PTPRD: variants seen among roughly 807,000 people sequenced by gnomAD.
The protein encoded by PTPRD is receptor-type tyrosine-protein phosphatase delta.
PTPRD carries 34 observed loss-of-function variants against 214.5 expected under a neutral mutation model. The ratio of observed to expected loss-of-function variants is 0.16; its 90% CI spans 0.12 to 0.21. The LOEUF (loss-of-function observed/expected upper bound fraction) is 0.21, where lower values mean the gene tolerates loss of function less well. PTPRD is among the 10% of genes least tolerant of loss of function. The probability of loss-of-function intolerance (pLI) is 1.00; values close to 1 mark genes in which losing one functional copy is unlikely to be tolerated. For synonymous variants in PTPRD, 1,128 were observed against 845.7 expected, an observed-to-expected ratio of 1.33 and a Z score of -5.79; for missense variants, 2,545 against 2,398.7, an observed-to-expected ratio of 1.06 and a Z score of -1.27.
chr9:10,495,293 C>G (rs1470452691), intron 2 of PTPRD, among the ~76,000 whole-genome samples: 1 of 151,694 alleles, frequency 6.6e-6, no homozygotes, highest in East Asian at 1.9e-4. Context: ...AAAGTCAAGT[C>G]AGAAATCACT....
intron 3 of PTPRD, among the ~76,000 whole-genome samples, chr9:10,169,908 T>A (rs1355872406): frequency 1.3e-5 from 2 of 152,318 alleles, no homozygotes; most frequent in Admixed American, 6.5e-5. Context: ...AGATTTAGTT[T>A]ATAAAGTCTT....
intron 2 of PTPRD, among the ~76,000 whole-genome samples, chr9:10,489,853 T>C (rs1198895252): frequency 1.1e-4 from 17 of 152,164 alleles, no homozygotes; most frequent in Admixed American, 1.1e-3. Context: ...ACTCCATGCA[T>C]AAAGCTGCAG....
intron 7 of PTPRD, among the ~76,000 whole-genome samples, chr9:9,625,377 G>A (rs890376831): frequency 3.3e-5 from 5 of 152,212 alleles, no homozygotes; most frequent in African/African-American, 7.2e-5. Flanking sequence ...ATAACCTGGC[G>A]CATGCTGTTA....
At chr9:10,550,833 T>C (rs1472058542) in intron 2 of PTPRD, among the ~76,000 whole-genome samples, 1 of 152,222 alleles carries the variant, frequency 6.6e-6, no homozygotes, top group Non-Finnish European at 1.5e-5. Flanking sequence ...AGATATAAGC[T>C]TTTTCTCCAC....
At chr9:10,074,680 G>C (rs2098101565) in intron 3 of PTPRD, among the ~76,000 whole-genome samples, 1 of 152,132 alleles carries the variant, frequency 6.6e-6, no homozygotes, top group Non-Finnish European at 1.5e-5. Flanking sequence ...CTCTGTACCA[G>C]CTCTGATTTA....
Position 10,370,530 on chromosome 9 carries a change from T to C in PTPRD, c.-599-29513A>G, listed in dbSNP as rs941250462. On this transcript the variant is annotated intron_variant, in intron 2 of 45. Coordinates refer to ENST00000381196, the MANE Select transcript of PTPRD (RefSeq NM_002839.4). The stretch of plus-strand genomic sequence containing the variant: ...CATGTTTGGCCTTGGGAAACATTTA[T>C]GTAGAATTTTGAAATACATTGAAAT... 2.6e-5 allele frequency among the ~76,000 whole-genome samples: 4 copies of C among 152,068 alleles called. No homozygotes were observed. In the South Asian group the frequency reaches 8.3e-4, roughly 31 times the overall value.
intron 9 of PTPRD, among the ~76,000 whole-genome samples, chr9:9,289,945 C>G (rs1015425175): frequency 6.6e-6 from 1 of 151,726 alleles, no homozygotes; most frequent in Non-Finnish European, 1.5e-5. Context: ...TTTCAAGAAC[C>G]TGACTTCACT....
At chr9:8,423,237 AATAAGTT>A (rs2094470100) in intron 35 of PTPRD, among the ~76,000 whole-genome samples, 1 of 152,226 alleles carries the variant, frequency 6.6e-6, no homozygotes, top group Non-Finnish European at 1.5e-5. Flanking sequence ...AATCCGGCTC[AATAAGTT>A]ATATGCCACC....
At chr9:8,444,896 A>T (rs1315668098) in intron 34 of PTPRD, among the ~76,000 whole-genome samples, 1 of 152,164 alleles carries the variant, frequency 6.6e-6, no homozygotes, top group Admixed American at 6.5e-5. Flanking sequence ...CTATTCACCC[A>T]TCCTAGTGCG....
In PTPRD at chr9:8,926,797, C is replaced by T. The variant is rs75557303; in HGVS notation, c.-104+91900G>A. On this transcript the variant is annotated intron_variant, in intron 11 of 45. Transcript: ENST00000381196. ...TCTTCTTGATAATTCTTTCTGAAAA[C>T]ATCTCTAAGCATCTTCTAAACCATT... Among the ~76,000 whole-genome samples the T allele has an allele frequency of 5.2e-3, 791 of 152,304 alleles. 7 individuals carry two copies. The highest frequency in any genetic ancestry group is 0.018 in the African/African-American group (763 of 41,558).
At chr9:8,550,028 G>A (rs1426893440) in intron 14 of PTPRD, among the ~76,000 whole-genome samples, 1 of 152,054 alleles carries the variant, frequency 6.6e-6, no homozygotes, top group Non-Finnish European at 1.5e-5. Flanking sequence ...ACTGAACCAA[G>A]CTCAAAGCAA....
chr9:8,933,630 A>G (rs191334383), intron 11 of PTPRD, among the ~76,000 whole-genome samples: 47 of 152,172 alleles, frequency 3.1e-4, no homozygotes, highest in South Asian at 1.0e-3. Flanking sequence ...TCAAGTGACT[A>G]TAAAGTATTT....
intron 4 of PTPRD, among the ~76,000 whole-genome samples, chr9:9,959,600 G>A (rs1053308106): frequency 6.6e-6 from 1 of 152,170 alleles, no homozygotes; most frequent in African/African-American, 2.4e-5. Context: ...AGAGAATGAG[G>A]TAGAAAGGTG....
At chr9:9,194,869 C>G (rs1036968199) in intron 9 of PTPRD, among the ~76,000 whole-genome samples, 43 of 151,850 alleles carry the variant, frequency 2.8e-4, no homozygotes, top group Non-Finnish European at 8.8e-5. Flanking sequence ...AGTATGGATT[C>G]TATAGCTTAT....
rs550010484 is a variant in PTPRD at position 9,248,542 on chromosome 9, T to C, written c.-202-65179A>G. On this transcript the variant is annotated intron_variant, in intron 9 of 45. Transcript: ENST00000381196. ...GGAGACAGATATGAATTAGCACCCA[T>C]CTGATGTCTTAGAGTTTTAGAGTAA... Among the ~76,000 whole-genome samples, 221 of 152,228 alleles carry C rather than the reference T, an allele frequency of 1.5e-3. 1 individual carries two copies. Among genetic ancestry groups the C allele is most frequent in the African/African-American group, 5.0e-3 (208 of 41,552 alleles).
chr9:8,457,387 T>C (rs2096247712), intron 33 of PTPRD, among the ~76,000 whole-genome samples: 1 of 152,162 alleles, frequency 6.6e-6, no homozygotes, highest in African/African-American at 2.4e-5. Context: ...ATTAAAGATA[T>C]ACCAAATATA....
chr9:8,944,165 G>C (rs567373215), intron 11 of PTPRD, among the ~76,000 whole-genome samples: 2 of 152,118 alleles, frequency 1.3e-5, no homozygotes, highest in East Asian at 3.9e-4. Context: ...CAACATCACT[G>C]ATCATCAGAG....
intron 2 of PTPRD, among the ~76,000 whole-genome samples, chr9:10,487,054 A>T (rs961901085): frequency 1.3e-5 from 2 of 152,206 alleles, no homozygotes; most frequent in African/African-American, 4.8e-5. Context: ...ATCATTATAT[A>T]CTGGCACTCT....
intron 7 of PTPRD, among the ~76,000 whole-genome samples, chr9:9,615,318 C>T (rs1000948968): frequency 1.3e-5 from 2 of 152,156 alleles, no homozygotes; most frequent in Non-Finnish European, 2.9e-5. Context: ...ACACCGGCCA[C>T]CAGGCGCTGA....
Sources: gnomAD v4.1 joint callset for allele counts (sites outside exome capture counted in the v4.1 genomes callset) on GRCh38, gnomAD v4.1.1 for gene constraint, MANE v1.5 for transcripts, NCBI Gene and HGNC (gene_info 2026-07-23, HGNC 2026-07-21) for gene names.